The following CTNNA3 variants were observed in gnomAD, a reference collection of about 807,000 sequenced individuals.
CTNNA3 encodes the protein catenin alpha-3.
In CTNNA3, 76 loss-of-function variants were observed where a neutral mutation model predicts 95.7. The observed-to-expected ratio is 0.79, with a 90% CI of 0.66 to 0.96. The LOEUF (loss-of-function observed/expected upper bound fraction) is 0.96. CTNNA3 is among the 40% of genes least tolerant of loss of function. The probability of loss-of-function intolerance (pLI) is 0.00; values close to 1 mark genes in which losing one functional copy is unlikely to be tolerated. For missense variants in CTNNA3, 1,191 were observed against 1,089.8 expected, an observed-to-expected ratio of 1.09 and a Z score of -1.31; for synonymous variants, 431 against 374.4, an observed-to-expected ratio of 1.15 and a Z score of -1.74.
At chr10:66,334,576 C>T (rs7100806) in intron 12 of CTNNA3, among the ~76,000 whole-genome samples, 25,047 of 152,050 alleles carry the variant, frequency 0.16, 2,336 homozygotes, top group South Asian at 0.31. Context: ...TCTCTTCTGG[C>T]TTGTAGAGTT....
intron 15 of CTNNA3, among the ~76,000 whole-genome samples, chr10:66,015,118 A>AATAATAATAATC (rs1316395573): frequency 6.6e-6 from 1 of 151,504 alleles, no homozygotes; most frequent in African/African-American, 2.4e-5. Context: ...TAATAATAAT[A>AATAATAATAATC]ATAATAAAAT....
In CTNNA3 at chr10:65,967,439, G is replaced by T. The variant is rs563473008; in HGVS notation, c.2266-693C>A. ...CTCCTAGAATTACTATTAGAATGCT[G>T]CTTGAGACTCATGGTCTCTACACTG... On this transcript the variant is annotated intron_variant, in intron 16 of 17. Transcript: ENST00000433211. Among the ~76,000 whole-genome samples the T allele has an allele frequency of 5.9e-5, 9 of 152,226 alleles. No homozygotes were observed. The East Asian group carries it at 1.7e-3, about 29-fold the overall frequency.
chr10:66,974,484 C>T (rs1316204547), intron 7 of CTNNA3, among the ~76,000 whole-genome samples: 4 of 152,086 alleles, frequency 2.6e-5, no homozygotes, highest in African/African-American at 4.8e-5. Flanking sequence ...ACAAGTCATT[C>T]GCCAGCATAT....
chr10:67,681,695 G>A (rs1840628828), intron 1 of CTNNA3, among the ~76,000 whole-genome samples: 1 of 151,842 alleles, frequency 6.6e-6, no homozygotes, highest in East Asian at 1.9e-4. Context: ...TCAAAACCCA[G>A]AAGCTATAAA....
chr10:66,864,784 T>C (rs1844098228), intron 7 of CTNNA3, among the ~76,000 whole-genome samples: 1 of 152,172 alleles, frequency 6.6e-6, no homozygotes. Context: ...AGCTTTTAGA[T>C]ATTTTATGTA....
At chr10:67,553,062 C>T (rs1841090969) in intron 3 of CTNNA3, among the ~76,000 whole-genome samples, 2 of 151,990 alleles carry the variant, frequency 1.3e-5, no homozygotes, top group Admixed American at 1.3e-4. Context: ...GATTTGGGGG[C>T]ACTGGTGCAC....
At chr10:66,021,852 C>CTTTGTTTTTTTTTTTTTTTTT (rs2079219451) in intron 15 of CTNNA3, among the ~76,000 whole-genome samples, 1 of 75,952 alleles carries the variant, frequency 1.3e-5, no homozygotes, top group Non-Finnish European at 2.4e-5. Flanking sequence ...AGGATCTTGG[C>CTTTGTTTTTTTTTTTTTTTTT]TTTTTTTTTT....
At chr10:67,695,541 T>A (rs976682902) in intron 1 of CTNNA3, among the ~76,000 whole-genome samples, 2 of 152,232 alleles carry the variant, frequency 1.3e-5, no homozygotes, top group Admixed American at 1.3e-4. Flanking sequence ...AATTCAGAAA[T>A]TAATGCTTTT....
intron 6 of CTNNA3, among the ~76,000 whole-genome samples, chr10:67,182,700 A>C (rs1355701561): frequency 6.6e-6 from 1 of 152,172 alleles, no homozygotes; most frequent in Non-Finnish European, 1.5e-5. Flanking sequence ...GATCTAATTA[A>C]ACTAAAGAGC....
intron 17 of CTNNA3, among the ~76,000 whole-genome samples, chr10:65,933,427 G>A (rs1241914621): frequency 1.3e-5 from 2 of 152,136 alleles, no homozygotes; most frequent in East Asian, 3.9e-4. Context: ...GAAAGGGGAA[G>A]GGCTAAAGCT....
chr10:67,357,020 G>A (rs1022581368), intron 5 of CTNNA3, among the ~76,000 whole-genome samples: 9 of 151,948 alleles, frequency 5.9e-5, no homozygotes, highest in South Asian at 2.1e-4. Flanking sequence ...ACCGTTTAAC[G>A]TCTCTTTCCT....
chr10:65,995,416 A>G (rs2078635365), intron 15 of CTNNA3, among the ~76,000 whole-genome samples: 1 of 152,128 alleles, frequency 6.6e-6, no homozygotes, highest in Non-Finnish European at 1.5e-5. Context: ...TTGTCTATAA[A>G]TAGCCTCAGT....
intron 10 of CTNNA3, among the ~76,000 whole-genome samples, chr10:66,555,760 CATCA>C (rs1734158573): frequency 6.6e-6 from 1 of 152,032 alleles, no homozygotes. Context: ...GTGGCTTTAA[CATCA>C]AATATACCAA....
At chr10:67,576,705 T>A (rs1407003388) in intron 3 of CTNNA3, among the ~76,000 whole-genome samples, 2 of 69,582 alleles carry the variant, frequency 2.9e-5, no homozygotes, top group African/African-American at 5.1e-5. Context: ...CCCTCCCCCC[T>A]CCCCCCACCC....
chr10:66,407,852 T>G (rs1444509137), intron 11 of CTNNA3, among the ~76,000 whole-genome samples: 1 of 152,230 alleles, frequency 6.6e-6, no homozygotes, highest in Non-Finnish European at 1.5e-5. Flanking sequence ...GTGCTGGGAT[T>G]ACAGGCGTGA....
At chr10:66,645,297 T>C (rs1362954816) in intron 9 of CTNNA3, among the ~76,000 whole-genome samples, 1 of 152,094 alleles carries the variant, frequency 6.6e-6, no homozygotes, top group African/African-American at 2.4e-5. Context: ...CGAATATTTT[T>C]TCCTATTTTG....
chr10:66,942,576 CTG>C (rs1189059770), intron 7 of CTNNA3, among the ~76,000 whole-genome samples: 1 of 140,252 alleles, frequency 7.1e-6, no homozygotes. Flanking sequence ...CTCTCTCTCT[CTG>C]TGTGTGTGTA....
chr10:65,975,360 T>C (rs543836508), intron 16 of CTNNA3, among the ~76,000 whole-genome samples: 1 of 150,382 alleles, frequency 6.6e-6, no homozygotes, highest in Admixed American at 6.6e-5. Flanking sequence ...AAGAAGAAGA[T>C]TGGAAAGGAG....
At chr10:66,007,741 C>T (rs1227976644) in intron 15 of CTNNA3, among the ~76,000 whole-genome samples, 2 of 97,798 alleles carry the variant, frequency 2.0e-5, no homozygotes, top group Non-Finnish European at 4.2e-5. Flanking sequence ...TTCCTCCCTA[C>T]CTTCCTTTCC....
Sources: gnomAD v4.1 joint callset for allele counts (sites outside exome capture counted in the v4.1 genomes callset) on GRCh38, gnomAD v4.1.1 for gene constraint, MANE v1.5 for transcripts, NCBI Gene and HGNC (gene_info 2026-07-23, HGNC 2026-07-21) for gene names.